The following CAMKMT variants were observed in gnomAD, a reference collection of about 807,000 sequenced individuals.
The protein encoded by CAMKMT is CaM KMT.
A neutral mutation model predicts 48.0 loss-of-function variants in CAMKMT; 53 were observed. The ratio of observed to expected loss-of-function variants is 1.10; its 90% CI spans 0.89 to 1.39. The LOEUF (loss-of-function observed/expected upper bound fraction) is 1.39. Among genes scored for constraint, CAMKMT ranks in the 40% most tolerant of loss-of-function variants. The pLI is 0.00. For missense variants in CAMKMT, 428 were observed against 402.7 expected, an observed-to-expected ratio of 1.06 and a Z score of -0.54; for synonymous variants, 165 against 152.3, an observed-to-expected ratio of 1.08 and a Z score of -0.61.
At chr2:44,439,083 A>G (rs888549371) in intron 3 of CAMKMT, among the ~76,000 whole-genome samples, 15 of 152,196 alleles carry the variant, frequency 9.9e-5, no homozygotes, top group African/African-American at 3.4e-4. Flanking sequence ...AGAAACAGCT[A>G]TAGTGAAAAG....
intron 3 of CAMKMT, among the ~76,000 whole-genome samples, chr2:44,562,996 G>GT (rs1558705024): frequency 6.6e-6 from 1 of 152,076 alleles, no homozygotes; most frequent in East Asian, 1.9e-4. Context: ...ATATGTAAAG[G>GT]TTTTTTCTTT....
At chr2:44,643,029 A>G (rs545221796) in intron 3 of CAMKMT, among the ~76,000 whole-genome samples, 1 of 152,174 alleles carries the variant, frequency 6.6e-6, no homozygotes, top group South Asian at 2.1e-4. Context: ...AGGGGTAGGC[A>G]GACTGACAGG....
chr2:44,663,108 A>G (rs1205240252), intron 3 of CAMKMT, among the ~76,000 whole-genome samples: 2 of 152,224 alleles, frequency 1.3e-5, no homozygotes, highest in African/African-American at 4.8e-5. Context: ...CAGCCATGGT[A>G]TAATTATAAA....
intron 3 of CAMKMT, among the ~76,000 whole-genome samples, chr2:44,595,793 A>T (rs961277894): frequency 1.3e-5 from 2 of 152,252 alleles, no homozygotes; most frequent in African/African-American, 4.8e-5. Flanking sequence ...ACCATGGAAT[A>T]GTATGCAGCT....
At chr2:44,743,576 T>A (rs1004633759) in intron 7 of CAMKMT, 46 bp from the exon 8 acceptor site, 62 of 1,415,412 alleles carry the variant, frequency 4.4e-5, no homozygotes, top group African/African-American at 2.5e-4. Context: ...AATCAAAATT[T>A]AAAAAAAACC....
chr2:44,438,528 A>G (rs955526954), intron 3 of CAMKMT, among the ~76,000 whole-genome samples: 1 of 152,230 alleles, frequency 6.6e-6, no homozygotes, highest in Non-Finnish European at 1.5e-5. Context: ...ATTCATTTAC[A>G]TAACATTGCT....
chr2:44,742,606 A>G (rs548537195), intron 7 of CAMKMT, among the ~76,000 whole-genome samples: 76 of 152,248 alleles, frequency 5.0e-4, no homozygotes, highest in African/African-American at 1.7e-3. Flanking sequence ...GTGTGTAGGT[A>G]TTTTTGTGGT....
At chr2:44,621,668 G>A (rs1672205258) in intron 3 of CAMKMT, among the ~76,000 whole-genome samples, 1 of 152,184 alleles carries the variant, frequency 6.6e-6, no homozygotes, top group African/African-American at 2.4e-5. Context: ...ATGAAGTTGG[G>A]GAAATAAGCT....
intron 3 of CAMKMT, among the ~76,000 whole-genome samples, chr2:44,394,417 C>G (rs1032613741): frequency 5.7e-5 from 4 of 70,204 alleles, no homozygotes; most frequent in Non-Finnish European, 1.3e-4. Context: ...CTAGTGAATT[C>G]TAAGACTGAC....
At chr2:44,548,396 A>G (rs1428359668) in intron 3 of CAMKMT, among the ~76,000 whole-genome samples, 1 of 152,188 alleles carries the variant, frequency 6.6e-6, no homozygotes, top group Admixed American at 6.5e-5. Flanking sequence ...CTAGAAAGCC[A>G]TGGTCTCACA....
chr2:44,515,264 T>G (rs1670778218), intron 3 of CAMKMT, among the ~76,000 whole-genome samples: 1 of 152,218 alleles, frequency 6.6e-6, no homozygotes, highest in African/African-American at 2.4e-5. Context: ...GAAAGCTTTT[T>G]GGGAGAGTGG....
intron 3 of CAMKMT, among the ~76,000 whole-genome samples, chr2:44,521,792 C>CT (rs1671126951): frequency 6.6e-6 from 1 of 152,112 alleles, no homozygotes; most frequent in South Asian, 2.1e-4. Flanking sequence ...GAATTTGAGG[C>CT]TGCAGAATTT....
At chr2:44,529,044 A>G (rs1666325533) in intron 3 of CAMKMT, among the ~76,000 whole-genome samples, 1 of 152,170 alleles carries the variant, frequency 6.6e-6, no homozygotes, top group Non-Finnish European at 1.5e-5. Flanking sequence ...GACTATTTCT[A>G]TAAAGAGAAA....
chr2:44,587,431 TCCCTCTCCCTCCCCCTCC>T (rs1312600055), intron 3 of CAMKMT, among the ~76,000 whole-genome samples: 3 of 150,346 alleles, frequency 2.0e-5, no homozygotes, highest in African/African-American at 5.0e-5. Context: ...TTTTTAGCTC[TCCCTCTCCCTCCCCCTCC>T]CCCTCCCCCT....
chr2:44,688,254 C>T (rs1160638106), intron 3 of CAMKMT, among the ~76,000 whole-genome samples: 1 of 152,116 alleles, frequency 6.6e-6, no homozygotes, highest in African/African-American at 2.4e-5. Flanking sequence ...TAGATGGCCC[C>T]AACAGAGCAA....
chr2:44,531,698 T>C (rs2104828115), intron 3 of CAMKMT, among the ~76,000 whole-genome samples: 1 of 152,318 alleles, frequency 6.6e-6, no homozygotes, highest in African/African-American at 2.4e-5. Flanking sequence ...GGTACAAATC[T>C]GCATCTGTTT....
At chr2:44,607,147 T>G (rs1461178846) in intron 3 of CAMKMT, among the ~76,000 whole-genome samples, 1 of 152,254 alleles carries the variant, frequency 6.6e-6, no homozygotes, top group Non-Finnish European at 1.5e-5. Flanking sequence ...CAAATTCCCA[T>G]GACAGGGCAG....
intron 2 of CAMKMT, 67 bp downstream of exon 2, chr2:44,372,955 T>C: frequency 7.4e-7 from 1 of 1,356,128 alleles, no homozygotes; most frequent in Non-Finnish European, 1.0e-6. Context: ...AACAATCTAA[T>C]AAGAATCATC....
At chr2:44,483,190 C>T (rs1669059397) in intron 3 of CAMKMT, among the ~76,000 whole-genome samples, 1 of 152,146 alleles carries the variant, frequency 6.6e-6, no homozygotes, top group South Asian at 2.1e-4. Flanking sequence ...CACCCTCAGT[C>T]AGTGTGGGGA....
Sources: gnomAD v4.1 joint callset for allele counts (sites outside exome capture counted in the v4.1 genomes callset) on GRCh38, gnomAD v4.1.1 for gene constraint, MANE v1.5 for transcripts, NCBI Gene and HGNC (gene_info 2026-07-23, HGNC 2026-07-21) for gene names.